GEMIN8: variants seen among roughly 807,000 people sequenced by gnomAD.
GEMIN8 encodes gem-associated protein 8.
For missense variants in GEMIN8, 185 were observed against 205.9 expected, an observed-to-expected ratio of 0.90 and a Z score of 0.62; for synonymous variants, 80 against 78.5, an observed-to-expected ratio of 1.02 and a Z score of -0.10.
chrX:14,015,242 A>G (rs1465811703), intron 4 of GEMIN8, among the ~76,000 whole-genome samples: 1 of 112,184 alleles, frequency 8.9e-6, no homozygotes, highest in Non-Finnish European at 1.9e-5. Flanking sequence ...ATAACCTTGC[A>G]GTCTCGACCA....
the GEMIN8 span, among the ~76,000 whole-genome samples, chrX:13,994,069 C>CT: frequency 2.7e-5 from 3 of 111,808 alleles, no homozygotes; most frequent in Non-Finnish European, 5.6e-5. Context: ...GGGTGCAACT[C>CT]TGGCTGTACA....
At chrX:14,001,444 GT>G in the GEMIN8 span, among the ~76,000 whole-genome samples, 1 of 112,138 alleles carries the variant, frequency 8.9e-6, no homozygotes, top group African/African-American at 3.2e-5. Context: ...TAATCAATTT[GT>G]CCAAGTTAGG....
intron 2 of GEMIN8, among the ~76,000 whole-genome samples, chrX:14,025,538 G>C (rs973603048): frequency 9.0e-6 from 1 of 111,189 alleles, no homozygotes; most frequent in Non-Finnish European, 1.9e-5. Context: ...ATCAGTAGAC[G>C]AACTTCACGA....
At position 14,020,391 on chromosome X, in the gene GEMIN8, T is replaced by C; in HGVS notation, c.159A>G (p.Pro53=). The change falls in exon 4 of 5, where the codon CCA becomes CCG. Residue 53 remains proline (P), a synonymous_variant. Coordinates refer to ENST00000680255, the MANE Select transcript of GEMIN8 (RefSeq NM_001042479.2). ...GAAGAAGCGCAGAAGGTAAGTACCA[T>C]GGAAGATTGAAACAGGATTCCACGG... The part of the protein sequence containing the change: ...RKAVESCFNL[P]WYLPSALLPQ... 8 of 1,210,683 alleles carry C rather than the reference T, an allele frequency of 6.6e-6. No homozygotes were observed. Among genetic ancestry groups the C allele is most frequent in the East Asian group, 3.0e-5 (1 of 33,863 alleles).
Position 14,027,950 on chromosome X carries a change from C to T in GEMIN8, c.-115-1729G>A, listed in dbSNP as rs188550001. On this transcript the variant is annotated intron_variant, in intron 1 of 4. Coordinates refer to ENST00000680255, the MANE Select transcript of GEMIN8 (RefSeq NM_001042479.2). ...CCTTCATAAGCAAAACCTAGTGTGA[C>T]CATAAGGTAATAAGGGTTGAATAGG... Among the ~76,000 whole-genome samples the T allele has an allele frequency of 3.0e-3, 332 of 112,249 alleles. 1 individual carries two copies. The highest frequency in any genetic ancestry group is 4.6e-3 in the Non-Finnish European group (245 of 53,182).
At chrX:14,019,734 A>C (rs1024895410) in intron 4 of GEMIN8, among the ~76,000 whole-genome samples, 5 of 111,746 alleles carry the variant, frequency 4.5e-5, no homozygotes, top group African/African-American at 1.3e-4. Context: ...ATATAAAATG[A>C]GTTTAATACT....
At chrX:13,992,288 T>C in the GEMIN8 span, among the ~76,000 whole-genome samples, 1 of 112,237 alleles carries the variant, frequency 8.9e-6, no homozygotes, top group African/African-American at 3.2e-5. Flanking sequence ...TGACAAATGC[T>C]GTGGGAGAAA....
In GEMIN8 at chrX:14,021,312, G is replaced by A. The variant is rs185593517; in HGVS notation, c.15+152C>T. 279 of 366,019 alleles carry A rather than the reference G, an allele frequency of 7.6e-4. 2 individuals are homozygous for A. The East Asian group carries it at 0.012, about 15-fold the overall frequency. 30.2% of individuals were successfully genotyped at this position (366,019 alleles called of 1,213,427 possible). On this transcript the variant is annotated intron_variant, in intron 3 of 4. Coordinates refer to ENST00000680255, the MANE Select transcript of GEMIN8 (RefSeq NM_001042479.2). ...CTAATGTTAAATGACGAGTTAATGG[G>A]TGCAGCACACCAACATGGCACATGT... is the stretch of plus-strand genomic sequence containing the variant.
chrX:14,026,203 C>CA lies in GEMIN8; in HGVS notation c.-98_-97insT. On this transcript the variant is annotated 5_prime_UTR_variant, in exon 2 of 5. It adds an upstream start codon to the 5' untranslated region. Coordinates refer to ENST00000680255, the MANE Select transcript of GEMIN8 (RefSeq NM_001042479.2). ...CTTCAGGGACTGAACAGTAACTTTT[C>CA]TCCAATGGGCTGGTGGAGCTGAAAG... is the stretch of plus-strand genomic sequence containing the variant. The CA allele has an allele frequency of 1.3e-6, 1 of 751,028 alleles. No homozygotes were observed. The highest frequency in any genetic ancestry group is 1.6e-6 in the Non-Finnish European group (1 of 636,046). 61.9% of individuals were successfully genotyped at this position (751,028 alleles called of 1,213,427 possible). A position where few individuals can be genotyped will look rare whatever the true frequency, so the allele number is the denominator to read the frequency against.
At chrX:14,019,691 T>C (rs1236063121) in intron 4 of GEMIN8, among the ~76,000 whole-genome samples, 2 of 111,958 alleles carry the variant, frequency 1.8e-5, no homozygotes, top group Non-Finnish European at 3.8e-5. Context: ...ACGGAACAAG[T>C]CAATTAACCT....
chrX:14,021,325 A>G lies in GEMIN8; in HGVS notation c.15+139T>C. ...ACGAGTTAATGGGTGCAGCACACCA[A>G]CATGGCACATGTATACATATGTAAC... On this transcript the variant is annotated intron_variant, in intron 3 of 4. Coordinates refer to ENST00000680255, the MANE Select transcript of GEMIN8 (RefSeq NM_001042479.2). 1.0e-5 allele frequency: 4 copies of G among 391,791 alleles called. No individual in the cohort carries two copies. The East Asian group carries it at 1.4e-4, about 14-fold the overall frequency. 32.3% of individuals were successfully genotyped at this position (391,791 alleles called of 1,213,427 possible).
downstream of GEMIN8, among the ~76,000 whole-genome samples, chrX:14,003,467 G>A (rs1189419861): frequency 8.9e-6 from 1 of 112,639 alleles, no homozygotes. Flanking sequence ...CTGAAAACTG[G>A]AAGGGTTTTT....
At chrX:14,017,176 G>C (rs1923992494) in intron 4 of GEMIN8, among the ~76,000 whole-genome samples, 1 of 110,309 alleles carries the variant, frequency 9.1e-6, no homozygotes, top group Non-Finnish European at 1.9e-5. Context: ...TGAAGGCAGG[G>C]GGCTTACAGG....
At chrX:13,993,611 A>G in the GEMIN8 span, among the ~76,000 whole-genome samples, 4 of 107,908 alleles carry the variant, frequency 3.7e-5, no homozygotes, top group Admixed American at 4.0e-4. Context: ...TTTTATAGAG[A>G]TGAGGTCTCA....
chrX:14,013,791 T>G (rs1417826102), intron 4 of GEMIN8: 5 of 133,121 alleles, frequency 3.8e-5, no homozygotes, highest in Non-Finnish European at 6.7e-5. Flanking sequence ...TAAATCTGTT[T>G]TTTTTTTTTT....
In GEMIN8 at chrX:14,008,694, G is replaced by A; in HGVS notation, c.*219C>T. ...TATAGTATATGCAAAATTATTTTAT[G>A]TCAGGAGAAAATTTATCATGTTGGC... On this transcript the variant is annotated 3_prime_UTR_variant, in exon 5 of 5. Transcript: ENST00000680255. 7 of 426,449 alleles carry A rather than the reference G, an allele frequency of 1.6e-5. No homozygotes were observed. The highest frequency in any genetic ancestry group is 4.1e-5 in the South Asian group (1 of 24,619). 35.1% of individuals were successfully genotyped at this position (426,449 alleles called of 1,213,427 possible). A position where few individuals can be genotyped will look rare whatever the true frequency, so the allele number is the denominator to read the frequency against.
At chrX:14,023,673 G>A (rs1454551861) in intron 2 of GEMIN8, among the ~76,000 whole-genome samples, 1 of 112,154 alleles carries the variant, frequency 8.9e-6, no homozygotes, top group Admixed American at 9.4e-5. Flanking sequence ...CACCGTGCCC[G>A]GCCCAGGTTT....
At chrX:14,010,875 C>T (rs1245685526) in intron 4 of GEMIN8, among the ~76,000 whole-genome samples, 1 of 112,227 alleles carries the variant, frequency 8.9e-6, no homozygotes. Flanking sequence ...TGGGGGCCAC[C>T]AAGCATTTGT....
intron 4 of GEMIN8, chrX:14,014,430 G>A (rs965059820): frequency 2.7e-6 from 2 of 749,981 alleles, no homozygotes; most frequent in African/African-American, 2.3e-5. Context: ...CTGGACAACC[G>A]CCATTTTTAC....
Sources: allele counts gnomAD v4.1 joint callset (sites outside exome capture counted in the v4.1 genomes callset), GRCh38; gene constraint gnomAD v4.1.1; transcripts MANE v1.5; gene names NCBI Gene and HGNC (gene_info 2026-07-23, HGNC 2026-07-21).